RBFOX1: variants seen among roughly 807,000 people sequenced by gnomAD.
RBFOX1 encodes the protein RNA binding protein fox-1 homolog 1.
In RBFOX1, 8 loss-of-function variants were observed where a neutral mutation model predicts 57.7. The observed-to-expected ratio is 0.14, with a 90% CI of 0.08 to 0.25. The LOEUF is 0.25. Among genes scored for constraint, RBFOX1 ranks in the 10% least tolerant of loss-of-function variants. The probability of loss-of-function intolerance (pLI) is 1.00; values close to 1 mark genes in which losing one functional copy is unlikely to be tolerated. For synonymous variants in RBFOX1, 326 were observed against 222.4 expected (o/e 1.47, Z -4.15); for missense variants, 611 against 548.5 (o/e 1.11, Z -1.14).
At chr16:7,701,159 C>G (rs1477606000) in intron 14 of RBFOX1, among the ~76,000 whole-genome samples, 2 of 152,092 alleles carry the variant, frequency 1.3e-5, no homozygotes, top group South Asian at 2.1e-4. Flanking sequence ...AGCAATGAAA[C>G]TCAAACAGAG....
intron 3 of RBFOX1, among the ~76,000 whole-genome samples, chr16:6,665,517 T>C (rs569339915): frequency 1.4e-5 from 2 of 147,338 alleles, no homozygotes; most frequent in African/African-American, 5.3e-5. Context: ...CGCAGCTACT[T>C]GGGAGGCTGA....
intron 4 of RBFOX1, among the ~76,000 whole-genome samples, chr16:6,009,388 G>A (rs1433600717): frequency 2.0e-5 from 3 of 152,218 alleles, no homozygotes; most frequent in African/African-American, 4.8e-5. Flanking sequence ...CCAGTTGCCA[G>A]TCTGGGACAA....
At chr16:5,278,349 C>T (rs926711547) in intron 1 of RBFOX1, among the ~76,000 whole-genome samples, 1 of 152,134 alleles carries the variant, frequency 6.6e-6, no homozygotes, top group East Asian at 1.9e-4. Context: ...TGTGCAGAAG[C>T]TCTTTCATTT....
At chr16:7,057,987 G>C (rs1032344301) in intron 4 of RBFOX1, among the ~76,000 whole-genome samples, 1 of 138,482 alleles carries the variant, frequency 7.2e-6, no homozygotes, top group Non-Finnish European at 1.5e-5. Flanking sequence ...CAGTCTGGTC[G>C]ACAGAGGGAG....
intron 2 of RBFOX1, among the ~76,000 whole-genome samples, chr16:6,461,182 G>C (rs572889146): frequency 4.6e-5 from 7 of 152,204 alleles, no homozygotes; most frequent in Non-Finnish European, 8.8e-5. Flanking sequence ...GAGGCTGATA[G>C]GTGCAGCAGC....
At chr16:7,600,557 G>C (rs1422307959) in intron 9 of RBFOX1, among the ~76,000 whole-genome samples, 2 of 152,136 alleles carry the variant, frequency 1.3e-5, no homozygotes, top group African/African-American at 4.8e-5. Context: ...TTAAGCCATC[G>C]GTGAGGTTCA....
intron 3 of RBFOX1, among the ~76,000 whole-genome samples, chr16:6,671,717 T>C (rs1486492199): frequency 6.6e-6 from 1 of 152,218 alleles, no homozygotes; most frequent in Non-Finnish European, 1.5e-5. Flanking sequence ...ATACGATGTT[T>C]GGTTTTCCAT....
intron 1 of RBFOX1, among the ~76,000 whole-genome samples, chr16:6,020,458 C>T (rs1409308467): frequency 1.3e-5 from 2 of 152,134 alleles, no homozygotes; most frequent in South Asian, 4.1e-4. Flanking sequence ...GTGCCCCGAA[C>T]CCCTTGTGGG....
intron 1 of RBFOX1, among the ~76,000 whole-genome samples, chr16:5,324,975 C>T (rs879532307): frequency 2.6e-5 from 4 of 152,160 alleles, no homozygotes; most frequent in Non-Finnish European, 5.9e-5. Flanking sequence ...CAGGTGTTCC[C>T]AGATCTATCA....
chr16:5,744,189 TCCACCTC>T (rs1490094960), intron 3 of RBFOX1, among the ~76,000 whole-genome samples: 1 of 152,010 alleles, frequency 6.6e-6, no homozygotes, highest in Non-Finnish European at 1.5e-5. Flanking sequence ...CCTCTTATCT[TCCACCTC>T]ACTCATCTGG....
intron 4 of RBFOX1, among the ~76,000 whole-genome samples, chr16:7,123,914 G>A (rs1269291858): frequency 6.6e-6 from 1 of 152,268 alleles, no homozygotes; most frequent in South Asian, 2.1e-4. Context: ...AGAAGAGAAA[G>A]GAGAGAGGGA....
rs79958568 is a variant in RBFOX1, at chr16:5,515,460, T to G, written c.258+48206T>G. ...AGGTGTTTTGTCCTCCCAGGAGCCT[T>G]CTATCTTATTAATCTCCTTGTCCAA... On this transcript the variant is annotated intron_variant, in intron 2 of 2. Transcript: ENST00000585867. Among the ~76,000 whole-genome samples the G allele has an allele frequency of 7.9e-3, 1,204 of 152,276 alleles. 8 individuals are homozygous for G. The highest frequency in any genetic ancestry group is 0.014 in the Middle Eastern group (4 of 294).
chr16:6,798,092 AC>A (rs2084512002), intron 3 of RBFOX1, among the ~76,000 whole-genome samples: 1 of 152,136 alleles, frequency 6.6e-6, no homozygotes, highest in Non-Finnish European at 1.5e-5. Context: ...AATATATGCC[AC>A]ACCCTTAAAC....
rs190044995 is a variant in RBFOX1 at position 7,597,568 on chromosome 16, G to C, written c.622+137G>C. 1.9e-4 allele frequency: 129 copies of C among 665,442 alleles called. 1 individual carries two copies. In the East Asian group the frequency reaches 3.4e-3, roughly 18 times the overall value. 41.2% of individuals were successfully genotyped at this position (665,442 alleles called of 1,614,324 possible). A position where few individuals can be genotyped will look rare whatever the true frequency, so the allele number is the denominator to read the frequency against. ...GTTTTTACTACTGACCTGCTACAGT[G>C]AACCACCTACATCAATAAGATCATT... On this transcript the variant is annotated intron_variant, in intron 9 of 15. Coordinates refer to ENST00000550418, the MANE Select transcript of RBFOX1 (RefSeq NM_018723.4).
chr16:5,311,993 C>G (rs148562403), intron 1 of RBFOX1, among the ~76,000 whole-genome samples: 46 of 152,314 alleles, frequency 3.0e-4, no homozygotes, highest in Admixed American at 5.9e-4. Flanking sequence ...AGGCCATGTT[C>G]TATTAATGCC....
rs189900240 is a variant in RBFOX1, at chr16:6,996,726, T to C, written c.-15-55331T>C. ...TTGATAATGCAGTGCTTCATACAAA[T>C]AATGCTTTGCAATTTTTGAGCACTT... On this transcript the variant is annotated intron_variant, in intron 3 of 15. Transcript: ENST00000550418. Among the ~76,000 whole-genome samples, 578 of 152,290 alleles carry C rather than the reference T, an allele frequency of 3.8e-3. 3 individuals are homozygous for C. Among genetic ancestry groups the C allele is most frequent in the South Asian group, 8.7e-3 (42 of 4,828 alleles).
chr16:6,171,708 AT>A (rs1272393825), intron 1 of RBFOX1, among the ~76,000 whole-genome samples: 1 of 152,240 alleles, frequency 6.6e-6, no homozygotes, highest in African/African-American at 2.4e-5. Context: ...AAAGAAACCC[AT>A]TCTTTGGAAT....
intron 3 of RBFOX1, among the ~76,000 whole-genome samples, chr16:6,917,808 C>A (rs1291119505): frequency 6.6e-6 from 1 of 152,120 alleles, no homozygotes; most frequent in Non-Finnish European, 1.5e-5. Flanking sequence ...CCTTCAGCTG[C>A]CTCTTAGAGA....
intron 3 of RBFOX1, among the ~76,000 whole-genome samples, chr16:6,659,392 A>T (rs753134350): frequency 2.6e-5 from 4 of 152,102 alleles, no homozygotes; most frequent in Non-Finnish European, 5.9e-5. Flanking sequence ...TGAAGGTGCG[A>T]TTGGGAGATA....
Sources: gnomAD v4.1 joint callset for allele counts (sites outside exome capture counted in the v4.1 genomes callset) on GRCh38, gnomAD v4.1.1 for gene constraint, MANE v1.5 for transcripts, NCBI Gene and HGNC (gene_info 2026-07-23, HGNC 2026-07-21) for gene names.